ANKS1B: variants seen among roughly 807,000 people sequenced by gnomAD.
The protein encoded by ANKS1B is ankyrin repeat and sterile alpha motif domain-containing protein 1B.
ANKS1B carries 36 observed loss-of-function variants against 148.3 expected under a neutral mutation model. The ratio of observed to expected loss-of-function variants is 0.24; its 90% CI spans 0.19 to 0.32. ANKS1B has a LOEUF of 0.32. Ranked by LOEUF, ANKS1B falls within the 10% of genes least tolerant of loss-of-function variation. ANKS1B has a pLI of 1.00. For synonymous variants in ANKS1B, 542 were observed against 560.8 expected (o/e 0.97, Z 0.47); for missense variants, 1,157 against 1,542.6 (o/e 0.75, Z 4.19).
chr12:99,552,936 C>T (rs976565930), intron 9 of ANKS1B, among the ~76,000 whole-genome samples: 1 of 152,136 alleles, frequency 6.6e-6, no homozygotes, highest in Non-Finnish European at 1.5e-5. Context: ...TCAGGACAGA[C>T]ACAACCATCT....
At chr12:99,142,873 C>G (rs1053688012) in intron 15 of ANKS1B, among the ~76,000 whole-genome samples, 12 of 152,046 alleles carry the variant, frequency 7.9e-5, no homozygotes, top group Admixed American at 2.6e-4. Flanking sequence ...TGGATGTTTG[C>G]CAGCCTGAAT....
chr12:99,836,858 T>C (rs2084932332), intron 1 of ANKS1B, among the ~76,000 whole-genome samples: 1 of 152,152 alleles, frequency 6.6e-6, no homozygotes, highest in Admixed American at 6.6e-5. Context: ...TTGGTGGCAA[T>C]TGTTTTTCCT....
intron 17 of ANKS1B, among the ~76,000 whole-genome samples, chr12:98,997,488 G>A (rs2099930396): frequency 6.7e-6 from 1 of 148,752 alleles, no homozygotes; most frequent in African/African-American, 2.5e-5. Context: ...TGCACTCTCT[G>A]CCTCCTGGGT....
intron 1 of ANKS1B, among the ~76,000 whole-genome samples, chr12:99,945,981 G>A (rs2095050795): frequency 6.6e-6 from 1 of 152,162 alleles, no homozygotes; most frequent in South Asian, 2.1e-4. Flanking sequence ...GTTATAGACA[G>A]GTACAGTGTA....
intron 12 of ANKS1B, among the ~76,000 whole-genome samples, chr12:99,354,871 T>C (rs2091824743): frequency 6.6e-6 from 1 of 151,874 alleles, no homozygotes; most frequent in African/African-American, 2.4e-5. Context: ...GGATAGGAAA[T>C]AGAAAGTTGG....
intron 1 of ANKS1B, among the ~76,000 whole-genome samples, chr12:99,949,904 GAA>G (rs34035286): frequency 1.3e-4 from 20 of 150,128 alleles, no homozygotes; most frequent in African/African-American, 3.7e-4. Context: ...GTGCTTTACA[GAA>G]AAAAAAAAAT....
At chr12:98,953,536 G>GT (rs1567984307) in intron 17 of ANKS1B, among the ~76,000 whole-genome samples, 1 of 94,344 alleles carries the variant, frequency 1.1e-5, no homozygotes, top group Admixed American at 1.1e-4. Flanking sequence ...AATCTAGAGT[G>GT]GTTTTTTTTT....
At chr12:99,065,122 A>G (rs1009272548) in intron 16 of ANKS1B, among the ~76,000 whole-genome samples, 1 of 152,164 alleles carries the variant, frequency 6.6e-6, no homozygotes, top group Non-Finnish European at 1.5e-5. Context: ...TATATTTAGA[A>G]AAAAGACACG....
intron 9 of ANKS1B, among the ~76,000 whole-genome samples, chr12:99,559,454 T>G (rs1192247239): frequency 6.6e-6 from 1 of 152,208 alleles, no homozygotes; most frequent in African/African-American, 2.4e-5. Flanking sequence ...TTCAAGTATT[T>G]ATGTACTTGA....
intron 10 of ANKS1B, among the ~76,000 whole-genome samples, chr12:99,479,599 A>T (rs1450159432): frequency 1.3e-5 from 2 of 151,958 alleles, no homozygotes; most frequent in Non-Finnish European, 2.9e-5. Flanking sequence ...CCTGGGGGAC[A>T]TTATGCTAAG....
At chr12:99,896,917 T>C (rs923810115) in intron 1 of ANKS1B, among the ~76,000 whole-genome samples, 5 of 151,322 alleles carry the variant, frequency 3.3e-5, no homozygotes, top group African/African-American at 7.3e-5. Flanking sequence ...CAGGAAGTAA[T>C]TCATTTATGT....
At chr12:99,064,056 C>A (rs1327028412) in intron 16 of ANKS1B, among the ~76,000 whole-genome samples, 1 of 152,156 alleles carries the variant, frequency 6.6e-6, no homozygotes, top group Non-Finnish European at 1.5e-5. Flanking sequence ...ATTATTTTTC[C>A]CACCACTGAC....
chr12:99,207,478 A>C (rs943687828), intron 14 of ANKS1B, among the ~76,000 whole-genome samples: 1 of 152,138 alleles, frequency 6.6e-6, no homozygotes, highest in Non-Finnish European at 1.5e-5. Context: ...TCTTGTTTTT[A>C]TATCATATAG....
At chr12:98,913,248 G>C (rs1234291590) in intron 17 of ANKS1B, among the ~76,000 whole-genome samples, 2 of 152,088 alleles carry the variant, frequency 1.3e-5, no homozygotes, top group Non-Finnish European at 2.9e-5. Flanking sequence ...TGATTTCCAT[G>C]TAACAATGTA....
intron 15 of ANKS1B, among the ~76,000 whole-genome samples, chr12:99,147,727 G>A (rs1657472290): frequency 6.6e-6 from 1 of 152,074 alleles, no homozygotes; most frequent in Non-Finnish European, 1.5e-5. Flanking sequence ...GAGAACCAGG[G>A]ATCTCCCTAA....
intron 8 of ANKS1B, among the ~76,000 whole-genome samples, chr12:99,714,158 C>T (rs2056996001): frequency 6.6e-6 from 1 of 152,204 alleles, no homozygotes; most frequent in Non-Finnish European, 1.5e-5. Flanking sequence ...TGGCTCATGG[C>T]TACATCACTT....
chr12:99,660,621 CCAATGTGCTGAGATTA>C (rs1179133930), intron 8 of ANKS1B, among the ~76,000 whole-genome samples: 40 of 152,128 alleles, frequency 2.6e-4, no homozygotes, highest in African/African-American at 9.2e-4. Flanking sequence ...CCTTGGCCTC[CCAATGTGCTGAGATTA>C]CAAGCATGGG....
At chr12:99,080,121 G>A (rs1052073070) in intron 16 of ANKS1B, among the ~76,000 whole-genome samples, 2 of 152,192 alleles carry the variant, frequency 1.3e-5, no homozygotes, top group African/African-American at 4.8e-5. Context: ...ATTTGAACTG[G>A]ATTCCTGCCT....
intron 15 of ANKS1B, among the ~76,000 whole-genome samples, chr12:99,142,637 T>TA (rs1351995856): frequency 6.6e-6 from 1 of 152,122 alleles, no homozygotes. Flanking sequence ...TGTAAGAGTT[T>TA]AAAAAACTAT....
Sources: gnomAD v4.1 joint callset for allele counts (sites outside exome capture counted in the v4.1 genomes callset) on GRCh38, gnomAD v4.1.1 for gene constraint, MANE v1.5 for transcripts, NCBI Gene and HGNC (gene_info 2026-07-23, HGNC 2026-07-21) for gene names.